Variants in FAM135A observed in about 807,000 individuals in gnomAD.
The protein encoded by FAM135A is family with sequence similarity 135 member A.
FAM135A carries 79 observed loss-of-function variants against 146.8 expected under a neutral mutation model. That is an observed-to-expected ratio of 0.54 (90% CI 0.45 to 0.65). The LOEUF (loss-of-function observed/expected upper bound fraction) is 0.65, where lower values mean the gene tolerates loss of function less well. Among genes scored for constraint, FAM135A ranks in the 30% least tolerant of loss-of-function variants. FAM135A has a pLI of 0.00. For missense variants in FAM135A, 1,623 were observed against 1,758.2 expected, an observed-to-expected ratio of 0.92 and a Z score of 1.38; for synonymous variants, 562 against 603.6, an observed-to-expected ratio of 0.93 and a Z score of 1.01.
At position 70,475,435 on chromosome 6, in the gene FAM135A, A is replaced by G. The variant is rs542930553; in HGVS notation, c.183A>G (p.Ser61=). The change falls in exon 6 of 22, where the codon TCA becomes TCG. Residue 61 remains serine (S), a synonymous_variant. Transcript: ENST00000418814. ...ATGMTLAFPA[S]VHDSLICSKT... The stretch of plus-strand genomic sequence containing the variant: ...GTATGACTTTAGCCTTTCCAGCCTC[A>G]GTTCATGATTCTCTAATTTGCAGTA... 2 of 1,594,514 alleles carry G rather than the reference A, an allele frequency of 1.3e-6. No homozygotes were observed. Among genetic ancestry groups the G allele is most frequent in the African/African-American group, 1.3e-5 (1 of 74,308 alleles).
intron 5 of FAM135A, among the ~76,000 whole-genome samples, chr6:70,462,204 A>G (rs1408910398): frequency 1.3e-5 from 2 of 152,156 alleles, no homozygotes; most frequent in Admixed American, 6.5e-5. Flanking sequence ...CTCCAATGAG[A>G]TAGCTGTTCC....
chr6:70,557,886 A>G (rs1801211575), intron 21 of FAM135A, among the ~76,000 whole-genome samples: 1 of 152,156 alleles, frequency 6.6e-6, no homozygotes, highest in Non-Finnish European at 1.5e-5. Context: ...TGCCTGCTAC[A>G]TGGTAAGTAC....
chr6:70,449,996 TC>T lies in FAM135A; in HGVS notation c.78-2493del, dbSNP rs376670027. The stretch of plus-strand genomic sequence containing the variant: ...GATTCTTATGGTATTGATTTGCATT[TC>T]CCTGATAAATGGAGATGTTGAGCAT... On this transcript the variant is annotated intron_variant, in intron 4 of 21. Transcript: ENST00000418814. 3.2e-4 allele frequency among the ~76,000 whole-genome samples: 48 copies of T among 152,306 alleles called. No homozygotes were observed. The East Asian group carries it at 8.5e-3, about 27-fold the overall frequency.
chr6:70,469,056 A>G (rs1483550725), intron 5 of FAM135A, among the ~76,000 whole-genome samples: 1 of 151,842 alleles, frequency 6.6e-6, no homozygotes, highest in East Asian at 1.9e-4. Context: ...TCCTTTCTTT[A>G]TTTTTCTCCA....
rs138408547 is a variant in FAM135A, at chr6:70,480,964, C to T, written c.606C>T (p.Ser202=). 2.8e-5 allele frequency: 45 copies of T among 1,612,290 alleles called. No homozygotes were observed. The highest frequency in any genetic ancestry group is 3.6e-5 in the Non-Finnish European group (43 of 1,179,174). Residue 202 remains serine, a synonymous_variant, in exon 9 of 22, where the codon TCC becomes TCT. Transcript: ENST00000418814. ...NRNAPAQNKD[S]VIPTLESVVF... Reference sequence around the variant, plus strand: ...ATGCACCAGCACAAAACAAAGATTCCGTGATTCCTACTCTTGAAAGTGTGG... The same window carrying T: ...ATGCACCAGCACAAAACAAAGATTCTGTGATTCCTACTCTTGAAAGTGTGG...
At chr6:70,511,356 C>T (rs965658777) in intron 12 of FAM135A, among the ~76,000 whole-genome samples, 16 of 151,754 alleles carry the variant, frequency 1.1e-4, no homozygotes, top group African/African-American at 3.9e-4. Flanking sequence ...CAGCAGTTAT[C>T]GTCATGATAA....
At chr6:70,448,571 T>C (rs1776339571) in intron 4 of FAM135A, among the ~76,000 whole-genome samples, 1 of 152,150 alleles carries the variant, frequency 6.6e-6, no homozygotes, top group Non-Finnish European at 1.5e-5. Context: ...AGCTCAGTGC[T>C]AACCCAGTGG....
chr6:70,449,164 A>T (rs887890243), intron 4 of FAM135A, among the ~76,000 whole-genome samples: 1 of 152,160 alleles, frequency 6.6e-6, no homozygotes, highest in South Asian at 2.1e-4. Flanking sequence ...TAAAAGTTGT[A>T]TATATGGAGT....
rs751213053 is a variant in FAM135A at position 70,526,748 on chromosome 6, TATACACACACACACAC to T, written c.3614+68_3614+83del. The T allele has an allele frequency of 9.5e-5, 104 of 1,093,588 alleles. 1 individual carries two copies. In the African/African-American group the frequency reaches 1.7e-3, roughly 17 times the overall value. The allele number at this position is 1,093,588 out of a possible 1,614,324, so 67.7% of individuals were successfully genotyped here. On this transcript the variant is annotated intron_variant, in intron 15 of 21. Transcript: ENST00000418814. ...CTGCTGCTAAATATATACATATATA[TATACACACACACACAC>T]ATACACACACACACACACACACACA...
chr6:70,419,325 G>A (rs1012611922), intron 2 of FAM135A, among the ~76,000 whole-genome samples: 12 of 152,180 alleles, frequency 7.9e-5, no homozygotes, highest in Admixed American at 3.3e-4. Context: ...AGGCTGAGGC[G>A]GGAGAGTCAC....
intron 11 of FAM135A, among the ~76,000 whole-genome samples, chr6:70,502,360 A>G (rs1788749486): frequency 6.6e-6 from 1 of 152,088 alleles, no homozygotes. Context: ...CTAATTTGTA[A>G]TTTTAGTTTG....
chr6:70,440,324 A>T (rs541373726), intron 4 of FAM135A, among the ~76,000 whole-genome samples: 1 of 152,148 alleles, frequency 6.6e-6, no homozygotes, highest in African/African-American at 2.4e-5. Context: ...ACAGTTCCCT[A>T]TCACTTAATT....
At chr6:70,514,249 C>A (rs1044316873) in intron 12 of FAM135A, among the ~76,000 whole-genome samples, 4 of 152,064 alleles carry the variant, frequency 2.6e-5, no homozygotes, top group Non-Finnish European at 4.4e-5. Flanking sequence ...TAACTCTTTT[C>A]TGTAGCAACT....
intron 12 of FAM135A, chr6:70,504,418 T>A (rs1789248429): frequency 6.6e-6 from 1 of 152,204 alleles, no homozygotes; most frequent in Non-Finnish European, 1.5e-5. Flanking sequence ...TCATTGACTT[T>A]ATATTGTTTT....
Position 70,525,464 on chromosome 6 carries a change from G to A in FAM135A, c.2380G>A (p.Gly794Arg). The A allele has an allele frequency of 1.2e-6, 2 of 1,612,784 alleles. No homozygotes were observed. Among genetic ancestry groups the A allele is most frequent in the Non-Finnish European group, 1.7e-6 (2 of 1,179,404 alleles). Residue 794 changes from glycine (G) to arginine (R), a missense_variant, in exon 15 of 22, where the codon GGG becomes AGG. Gly to Arg is a moderately radical substitution (Grantham distance 125). Around this residue, in one of 7 missense-constraint regions of FAM135A, gnomAD observed 1,061 missense variants for 1,113.8 expected, o/e 0.95. Coordinates refer to ENST00000418814, the MANE Select transcript of FAM135A (RefSeq NM_001162529.3). Reference sequence around the variant, plus strand: ...TGATTTAGTCTTTGAAACTGTGCAAGGGCAAGGTCCTTGCAATAGTGAAAG... The same window carrying A: ...TGATTTAGTCTTTGAAACTGTGCAAAGGCAAGGTCCTTGCAATAGTGAAAG... ...NTDLVFETVQGQGPCNSERLF... is the reference protein window; with the variant it reads ...NTDLVFETVQRQGPCNSERLF...
At chr6:70,540,552 C>G (rs192791652) in intron 20 of FAM135A, among the ~76,000 whole-genome samples, 4 of 152,136 alleles carry the variant, frequency 2.6e-5, no homozygotes, top group Non-Finnish European at 5.9e-5. Flanking sequence ...GTCTCGATCT[C>G]CTGACCTTGT....
intron 4 of FAM135A, among the ~76,000 whole-genome samples, chr6:70,449,151 A>G (rs545134383): frequency 6.6e-6 from 1 of 152,290 alleles, no homozygotes; most frequent in East Asian, 1.9e-4. Flanking sequence ...TTTTTTGACA[A>G]TTTAAAAGTT....
chr6:70,530,614 T>A (rs1253696634), intron 16 of FAM135A, among the ~76,000 whole-genome samples: 2 of 152,080 alleles, frequency 1.3e-5, no homozygotes, highest in African/African-American at 2.4e-5. Context: ...TTGCCAGGCA[T>A]GGTGCTGGCC....
chr6:70,499,048 T>C (rs1787937696), intron 11 of FAM135A, among the ~76,000 whole-genome samples: 1 of 152,168 alleles, frequency 6.6e-6, no homozygotes, highest in Admixed American at 6.5e-5. Flanking sequence ...GCCTGTCTCA[T>C]TGATCTGTCT....
Sources: allele counts gnomAD v4.1 joint callset (sites outside exome capture counted in the v4.1 genomes callset), GRCh38; gene constraint gnomAD v4.1.1; regional missense constraint gnomAD v4.1.1; transcripts MANE v1.5; gene names NCBI Gene and HGNC (gene_info 2026-07-23, HGNC 2026-07-21).